ASAP3: variants seen among roughly 807,000 people sequenced by gnomAD.
ASAP3 encodes ArfGAP with SH3 domain, ankyrin repeat and PH domain 3.
A neutral mutation model predicts 118.2 loss-of-function variants in ASAP3; 85 were observed. The observed-to-expected ratio is 0.72, with a 90% CI of 0.60 to 0.86. The LOEUF (loss-of-function observed/expected upper bound fraction) is 0.86, where lower values mean the gene tolerates loss of function less well. ASAP3 is among the 40% of genes least tolerant of loss of function. The pLI is 0.00. For missense variants in ASAP3, 1,026 were observed against 1,175.0 expected (o/e 0.87, Z 1.85); for synonymous variants, 432 against 477.4 (o/e 0.90, Z 1.24).
At chr1:23,458,702 GAA>G (rs926225166) in intron 1 of ASAP3, among the ~76,000 whole-genome samples, 1 of 139,632 alleles carries the variant, frequency 7.2e-6, no homozygotes, top group Non-Finnish European at 1.6e-5. Context: ...AACAGAAAAA[GAA>G]AAAAAAAAAG....
At chr1:23,441,878 G>A (rs1640885901) in intron 7 of ASAP3, 148 bp from the exon 8 acceptor site, 2 of 837,874 alleles carry the variant, frequency 2.4e-6, no homozygotes, top group Non-Finnish European at 3.8e-6. Flanking sequence ...CCATAGACAA[G>A]AGTCTCTCTT....
chr1:23,448,224 C>T (rs930283782), intron 5 of ASAP3, among the ~76,000 whole-genome samples: 2 of 152,172 alleles, frequency 1.3e-5, no homozygotes, highest in African/African-American at 4.8e-5. Flanking sequence ...GGGATGGGTA[C>T]AGGTACTCCT....
Position 23,443,501 on chromosome 1 carries a change from CTG to C in ASAP3, c.474-891_474-890del, listed in dbSNP as rs1466060910. On this transcript the variant is annotated intron_variant, in intron 5 of 24. Transcript: ENST00000336689. The stretch of plus-strand genomic sequence containing the variant: ...GTTATTTCAAAGTGCTTTCATTCTT[CTG>C]AGCCCATGGAGCTTCATACTTAAAG... 2.6e-5 allele frequency among the ~76,000 whole-genome samples: 4 copies of C among 152,298 alleles called. No individual in the cohort carries two copies. The East Asian group carries it at 7.7e-4, about 29-fold the overall frequency.
In ASAP3 at chr1:23,455,922, C is replaced by A; in HGVS notation, c.307G>T (p.Ala103Ser). 6.2e-7 allele frequency: 1 copy of A among 1,614,144 alleles called. No homozygotes were observed. The highest frequency in any genetic ancestry group is 1.1e-5 in the South Asian group (1 of 91,086). The stretch of plus-strand genomic sequence containing the variant: ...GCAGCAACCTCGCGGGTGAACACGG[C>A]CAAGTTTAGGAAGCCTGTGGACAGC... ...HELSTGFLNL[A>S]VFTREVAALF... The change falls in exon 3 of 25, where the codon GCC (alanine) becomes TCC (serine). Residue 103 changes from alanine to serine, a missense_variant. Coordinates refer to ENST00000336689, the MANE Select transcript of ASAP3 (RefSeq NM_017707.4).
intron 1 of ASAP3, among the ~76,000 whole-genome samples, chr1:23,472,586 C>T (rs1483385651): frequency 6.6e-6 from 1 of 152,194 alleles, no homozygotes; most frequent in Non-Finnish European, 1.5e-5. Context: ...CCAAAACCTC[C>T]AAGGTACATA....
At chr1:23,460,506 C>CAAAAAAAAAAAA (rs71023213) in intron 1 of ASAP3, among the ~76,000 whole-genome samples, 19 of 84,776 alleles carry the variant, frequency 2.2e-4, no homozygotes, top group Non-Finnish European at 3.4e-4. Context: ...GACTCCATCT[C>CAAAAAAAAAAAA]AAAAAAAAAA....
intron 19 of ASAP3, 71 bp downstream of exon 19, chr1:23,434,183 G>A (rs1229308375): frequency 6.8e-6 from 10 of 1,478,568 alleles, no homozygotes; most frequent in Admixed American, 5.1e-5. Flanking sequence ...ATTAGAGCCC[G>A]AGACCATCGG....
At chr1:23,459,170 C>CA (rs59149141) in intron 1 of ASAP3, among the ~76,000 whole-genome samples, 49,429 of 68,396 alleles carry the variant, frequency 0.72, 18,266 homozygotes, top group Non-Finnish European at 0.8. Context: ...GACTCCATCT[C>CA]AAAAAAAAAA....
At chr1:23,481,311 G>A (rs1642299293) in intron 1 of ASAP3, among the ~76,000 whole-genome samples, 1 of 152,192 alleles carries the variant, frequency 6.6e-6, no homozygotes, top group African/African-American at 2.4e-5. Flanking sequence ...AGTCAGAACT[G>A]GAAGACTTGA....
At chr1:23,435,220 G>A (rs995153365) in intron 17 of ASAP3, among the ~76,000 whole-genome samples, 2 of 152,130 alleles carry the variant, frequency 1.3e-5, no homozygotes, top group Admixed American at 1.3e-4. Context: ...TAGAGATGGG[G>A]GTTTCCTTAT....
chr1:23,455,785 A>G lies in ASAP3; in HGVS notation c.348+96T>C. 2.0e-6 allele frequency: 3 copies of G among 1,520,022 alleles called. No individual in the cohort carries two copies. In the South Asian group the frequency reaches 3.7e-5, roughly 19 times the overall value. 94.2% of individuals were successfully genotyped at this position (1,520,022 alleles called of 1,614,324 possible). A position where few individuals can be genotyped will look rare whatever the true frequency, so the allele number is the denominator to read the frequency against. On this transcript the variant is annotated intron_variant, in intron 3 of 24. Transcript: ENST00000336689. ...AACTCAGGTCAGAGATCAAGGGCAAATTGGGAGAAGGAAGGAAACGGACCC... is the reference window on the plus strand; with the variant it reads ...AACTCAGGTCAGAGATCAAGGGCAAGTTGGGAGAAGGAAGGAAACGGACCC...
At chr1:23,460,372 T>C (rs1641542192) in intron 1 of ASAP3, among the ~76,000 whole-genome samples, 1 of 151,844 alleles carries the variant, frequency 6.6e-6, no homozygotes, top group Admixed American at 6.6e-5. Context: ...CCAGGCGTGG[T>C]GGCACACCGC....
rs772642755 is a variant in ASAP3 at position 23,436,544 on chromosome 1, C to T, written c.1571+16G>A. 12 of 1,613,906 alleles carry T rather than the reference C, an allele frequency of 7.4e-6. No homozygotes were observed. Among genetic ancestry groups the T allele is most frequent in the Non-Finnish European group, 1.0e-5 (12 of 1,179,822 alleles). On this transcript the variant is annotated intron_variant, in intron 16 of 24. Coordinates refer to ENST00000336689, the MANE Select transcript of ASAP3 (RefSeq NM_017707.4). The surrounding 1 kb of genome is among the most constrained non-coding windows in gnomAD (Gnocchi z 4.2). ...TCCCCTAGGCAGGGTGCCCCTCTCT[C>T]TGAGAATCCCCTTACATGTCACTCT...
intron 1 of ASAP3, chr1:23,479,787 T>A (rs934424685): frequency 2.0e-5 from 3 of 152,234 alleles, no homozygotes; most frequent in African/African-American, 7.2e-5. Flanking sequence ...TTGGGAAGCA[T>A]GTACATTTCC....
At chr1:23,446,922 C>A (rs773689261) in intron 5 of ASAP3, among the ~76,000 whole-genome samples, 10 of 152,024 alleles carry the variant, frequency 6.6e-5, no homozygotes, top group African/African-American at 1.2e-4. Flanking sequence ...CCACGGATAG[C>A]AGGGTGGGGG....
intron 11 of ASAP3, 114 bp downstream of exon 11, chr1:23,439,047 C>T (rs907717435): frequency 1.2e-5 from 16 of 1,385,022 alleles, no homozygotes; most frequent in African/African-American, 1.0e-4. Flanking sequence ...CTCCAGCTCC[C>T]TGGACCTAGG....
intron 5 of ASAP3, among the ~76,000 whole-genome samples, chr1:23,445,542 G>A (rs1053293607): frequency 4.6e-5 from 7 of 151,992 alleles, no homozygotes; most frequent in South Asian, 4.1e-4. Context: ...GTGGGCTGGC[G>A]TAGGGGAAGT....
chr1:23,433,852 C>A (rs1028338406), intron 19 of ASAP3, among the ~76,000 whole-genome samples, 159 bp from the exon 20 acceptor site: 1 of 152,242 alleles, frequency 6.6e-6, no homozygotes, highest in Middle Eastern at 3.4e-3. Flanking sequence ...CCTTTTGGGA[C>A]AAAATTGTTT....
chr1:23,470,574 C>T (rs1641929933), intron 1 of ASAP3, among the ~76,000 whole-genome samples: 1 of 152,360 alleles, frequency 6.6e-6, no homozygotes, highest in Admixed American at 6.5e-5. Context: ...TCTGACTCCT[C>T]TTCTGGAATG....
Sources: gnomAD v4.1 joint callset for allele counts (sites outside exome capture counted in the v4.1 genomes callset) on GRCh38, gnomAD v4.1.1 for gene constraint, Gnocchi (gnomAD v3.1) non-coding constraint, MANE v1.5 for transcripts, NCBI Gene and HGNC (gene_info 2026-07-23, HGNC 2026-07-21) for gene names.